Variants in CAAP1 observed in about 807,000 individuals in gnomAD.
CAAP1 encodes the protein conserved anti-apoptotic protein.
A neutral mutation model predicts 34.0 loss-of-function variants in CAAP1; 20 were observed. The ratio of observed to expected loss-of-function variants is 0.59; its 90% CI spans 0.41 to 0.86. The LOEUF (loss-of-function observed/expected upper bound fraction) is 0.86, where lower values mean the gene tolerates loss of function less well. Ranked by LOEUF, CAAP1 falls within the 40% of genes least tolerant of loss-of-function variation. The probability of loss-of-function intolerance (pLI) is 0.00; values close to 1 mark genes in which losing one functional copy is unlikely to be tolerated. For missense variants in CAAP1, 538 were observed against 450.5 expected (o/e 1.19, Z -1.76); for synonymous variants, 213 against 166.7 (o/e 1.28, Z -2.14).
intron 5 of CAAP1, among the ~76,000 whole-genome samples, chr9:26,845,283 T>C (rs540992008): frequency 2.0e-5 from 3 of 152,350 alleles, no homozygotes; most frequent in East Asian, 3.9e-4. Context: ...TCAGTTCATG[T>C]TGGACTTCAT....
rs922036282 is a variant in CAAP1 at position 26,842,203 on chromosome 9, G to T, written c.*98C>A. Reference sequence around the variant, plus strand: ...AAATGAGTCCTAATAAGGGTTACATGAGAAATAACATATAAGACCCCAAAT... The same window carrying T: ...AAATGAGTCCTAATAAGGGTTACATTAGAAATAACATATAAGACCCCAAAT... On this transcript the variant is annotated 3_prime_UTR_variant, in exon 6 of 6. Coordinates refer to ENST00000333916, the MANE Select transcript of CAAP1 (RefSeq NM_024828.4). 3.6e-5 allele frequency: 34 copies of T among 954,994 alleles called. No homozygotes were observed. Among genetic ancestry groups the T allele is most frequent in the Non-Finnish European group, 4.9e-5 (32 of 653,566 alleles). The allele number at this position is 954,994 out of a possible 1,614,324, so 59.2% of individuals were successfully genotyped here.
chr9:26,854,008 C>T (rs1430833231), intron 5 of CAAP1, among the ~76,000 whole-genome samples: 2 of 152,112 alleles, frequency 1.3e-5, no homozygotes, highest in Non-Finnish European at 1.5e-5. Flanking sequence ...AACTCTTTTT[C>T]TTCAAACCAA....
chr9:26,854,167 C>G (rs777564614), intron 5 of CAAP1, among the ~76,000 whole-genome samples: 1 of 152,148 alleles, frequency 6.6e-6, no homozygotes, highest in Non-Finnish European at 1.5e-5. Flanking sequence ...ATTACAAGGG[C>G]TGATACTTTT....
intron 4 of CAAP1, among the ~76,000 whole-genome samples, chr9:26,867,415 A>C (rs1432748443): frequency 1.3e-5 from 2 of 152,214 alleles, no homozygotes; most frequent in African/African-American, 4.8e-5. Context: ...AGAGCCCACA[A>C]AAACAATACA....
intron 5 of CAAP1, among the ~76,000 whole-genome samples, chr9:26,846,837 G>A (rs1295038323): frequency 5.9e-5 from 9 of 151,840 alleles, no homozygotes; most frequent in East Asian, 3.9e-4. Context: ...ACAGGCATGC[G>A]CCACCATGCC....
chr9:26,891,861 T>G (rs150320830), intron 1 of CAAP1, among the ~76,000 whole-genome samples: 9 of 152,130 alleles, frequency 5.9e-5, no homozygotes, highest in Admixed American at 4.6e-4. Flanking sequence ...TTCATTCATT[T>G]GTTTTCAAAC....
intron 4 of CAAP1, among the ~76,000 whole-genome samples, chr9:26,862,344 A>C (rs1823020555): frequency 6.6e-6 from 1 of 152,126 alleles, no homozygotes; most frequent in South Asian, 2.1e-4. Context: ...CTTCCTTTAG[A>C]GAAAACGTTT....
intron 4 of CAAP1, among the ~76,000 whole-genome samples, chr9:26,864,970 AG>A (rs1246657697): frequency 3.3e-5 from 5 of 152,202 alleles, no homozygotes; most frequent in Non-Finnish European, 5.9e-5. Flanking sequence ...CAATTTACAA[AG>A]GATATGAGAA....
chr9:26,882,419 T>G (rs989008839), intron 4 of CAAP1, among the ~76,000 whole-genome samples: 1 of 152,122 alleles, frequency 6.6e-6, no homozygotes, highest in Non-Finnish European at 1.5e-5. Context: ...GCAGCTTCCA[T>G]GTGGGGTTGA....
intron 4 of CAAP1, among the ~76,000 whole-genome samples, chr9:26,884,111 T>A (rs952033306): frequency 6.6e-6 from 1 of 152,204 alleles, no homozygotes; most frequent in Non-Finnish European, 1.5e-5. Flanking sequence ...AAATCTCTTA[T>A]ATTCTTCAGG....
intron 5 of CAAP1, among the ~76,000 whole-genome samples, chr9:26,854,984 C>A (rs1165944471): frequency 6.6e-6 from 1 of 152,192 alleles, no homozygotes; most frequent in East Asian, 1.9e-4. Context: ...TAAGCAATTT[C>A]TTACAAAACT....
chr9:26,852,068 A>C (rs1260989968), intron 5 of CAAP1, among the ~76,000 whole-genome samples: 1 of 151,942 alleles, frequency 6.6e-6, no homozygotes, highest in East Asian at 1.9e-4. Flanking sequence ...AATTAAATTT[A>C]ATTTTTCTGG....
At chr9:26,862,163 T>C (rs905637408) in intron 4 of CAAP1, among the ~76,000 whole-genome samples, 4 of 152,146 alleles carry the variant, frequency 2.6e-5, no homozygotes, top group Non-Finnish European at 5.9e-5. Context: ...TTCACCAGAA[T>C]GACTGGCAGG....
Position 26,841,683 on chromosome 9 carries a change from G to A in CAAP1, c.*618C>T, listed in dbSNP as rs921294831. On this transcript the variant is annotated 3_prime_UTR_variant, in exon 6 of 6. Transcript: ENST00000333916. ...GGTATCAAATACCTGTTAGAATGGC[G>A]TGTCTGCTATAATTAAACATGGGCA... 6 of 152,506 alleles carry A rather than the reference G, an allele frequency of 3.9e-5. No individual in the cohort carries two copies. Among genetic ancestry groups the A allele is most frequent in the Non-Finnish European group, 5.9e-5 (4 of 68,002 alleles). 9.4% of individuals were successfully genotyped at this position (152,506 alleles called of 1,614,324 possible).
chr9:26,854,851 T>A (rs1822831055), intron 5 of CAAP1, among the ~76,000 whole-genome samples: 1 of 152,210 alleles, frequency 6.6e-6, no homozygotes. Context: ...ATTACTTATA[T>A]GCCTATTAGA....
At chr9:26,878,892 C>T (rs1410339031) in intron 4 of CAAP1, among the ~76,000 whole-genome samples, 1 of 152,130 alleles carries the variant, frequency 6.6e-6, no homozygotes, top group Non-Finnish European at 1.5e-5. Flanking sequence ...AAAGTAAACA[C>T]TTTGTAGTTA....
chr9:26,892,609 C>G lies in CAAP1; in HGVS notation c.107G>C (p.Ser36Thr). The G allele has an allele frequency of 6.2e-7, 1 of 1,609,054 alleles. No homozygotes were observed. The highest frequency in any genetic ancestry group is 8.5e-7 in the Non-Finnish European group (1 of 1,179,294). The change falls in exon 1 of 6, where the codon AGC becomes ACC. Residue 36 changes from serine (S) to threonine (T), a missense_variant. By Grantham distance (58) the Ser-to-Thr change is moderately conservative. Transcript: ENST00000333916. ...CCCGCAGCCGCTAGTGCTTCCACTG[C>G]TGCCGCTGGCCAACGCGGGTACGAT... Reference protein sequence around the residue: ...PDIVPALASGSSGSTSGCGSA... With the variant: ...PDIVPALASGTSGSTSGCGSA...
chr9:26,864,244 T>C (rs557336130), intron 4 of CAAP1, among the ~76,000 whole-genome samples: 84 of 152,308 alleles, frequency 5.5e-4, no homozygotes, highest in African/African-American at 1.9e-3. Flanking sequence ...CTGTCCATCC[T>C]TTCTTATAGT....
rs1323665039 is a variant in CAAP1, at chr9:26,887,421, T to C, written c.396A>G (p.Ser132=). ...LEEGGLDLTV[S]LKPVSFYISD... ...ATATATAGAAACTAACTGGTTTCAA[T>C]GACACAGTCAGGTCCAGTCCACCTT... Residue 132 remains serine (S), a synonymous_variant, in exon 2 of 6, where the codon TCA becomes TCG. Coordinates refer to ENST00000333916, the MANE Select transcript of CAAP1 (RefSeq NM_024828.4). The C allele has an allele frequency of 6.2e-7, 1 of 1,613,706 alleles. No homozygotes were observed. The highest frequency in any genetic ancestry group is 1.7e-5 in the Admixed American group (1 of 59,996).
Sources: gnomAD v4.1 joint callset for allele counts (sites outside exome capture counted in the v4.1 genomes callset) on GRCh38, gnomAD v4.1.1 for gene constraint, MANE v1.5 for transcripts, NCBI Gene and HGNC (gene_info 2026-07-23, HGNC 2026-07-21) for gene names.